Variants in SAXO1 observed in about 807,000 individuals in gnomAD.
SAXO1 encodes the protein 4930500O09Rik.
A neutral mutation model predicts 17.5 loss-of-function variants in SAXO1; 21 were observed. That is an observed-to-expected ratio of 1.20 (90% CI 0.85 to 1.72). SAXO1 has a LOEUF of 1.72. Ranked by LOEUF, SAXO1 falls within the 40% of genes most tolerant of loss-of-function variation. The pLI, the probability that SAXO1 is intolerant of heterozygous loss-of-function variation, is 0.00. For synonymous variants in SAXO1, 274 were observed against 216.5 expected (o/e 1.27, Z -2.33); for missense variants, 843 against 596.0 (o/e 1.41, Z -4.32).
chr9:18,998,084 C>G (rs1292014058), intron 1 of SAXO1, among the ~76,000 whole-genome samples: 1 of 152,112 alleles, frequency 6.6e-6, no homozygotes, highest in Non-Finnish European at 1.5e-5. Flanking sequence ...CAACTCCTCA[C>G]CAGGGAACAA....
intron 3 of SAXO1, among the ~76,000 whole-genome samples, chr9:18,929,788 G>C (rs1830957802): frequency 1.3e-5 from 2 of 152,186 alleles, no homozygotes; most frequent in African/African-American, 4.8e-5. Flanking sequence ...GAGGGAATTT[G>C]TCCCAGCTCA....
chr9:19,003,258 G>A (rs1272904477), intron 1 of SAXO1, among the ~76,000 whole-genome samples: 6 of 152,130 alleles, frequency 3.9e-5, no homozygotes, highest in South Asian at 2.1e-4. Context: ...ACAAACAAAC[G>A]GAAGAATATT....
chr9:18,954,402 T>A (rs904644245), intron 1 of SAXO1, among the ~76,000 whole-genome samples: 1 of 151,904 alleles, frequency 6.6e-6, no homozygotes, highest in Non-Finnish European at 1.5e-5. Flanking sequence ...AGTGGTGCCA[T>A]CACAGCTCAC....
intron 1 of SAXO1, among the ~76,000 whole-genome samples, chr9:18,974,323 G>A (rs1434686694): frequency 2.0e-5 from 3 of 152,306 alleles, no homozygotes; most frequent in Admixed American, 6.5e-5. Context: ...GCAGAGATAC[G>A]GAAACAGTTA....
intron 3 of SAXO1, among the ~76,000 whole-genome samples, chr9:18,931,848 AT>A (rs1381090284): frequency 6.6e-6 from 1 of 152,206 alleles, no homozygotes; most frequent in African/African-American, 2.4e-5. Flanking sequence ...TGTTTTGCCC[AT>A]TTTAAAATTA....
chr9:19,027,697 G>GATGTGGGAGGATTGCTT, intron 1 of SAXO1: 1 of 1,342,678 alleles, frequency 7.4e-7, no homozygotes, highest in Non-Finnish European at 1.1e-6. Flanking sequence ...CTGATGAGCT[G>GATGTGGGAGGATTGCTT]GATGCCATAG....
At position 18,981,819 on chromosome 9, in the gene SAXO1, C is replaced by T. The variant is rs777187600; in HGVS notation, c.39-30882G>A. ...CTAAACAGAGGGGCTCAGCAACTTG[C>T]CCAAGGGCCCACCGTAAGTGCCAGA... On this transcript the variant is annotated intron_variant, in intron 1 of 3. Transcript: ENST00000380534. Among the ~76,000 whole-genome samples the T allele has an allele frequency of 1.1e-3, 164 of 152,278 alleles. 1 individual carries two copies. The highest frequency in any genetic ancestry group is 4.0e-4 in the Non-Finnish European group (27 of 68,008).
At chr9:19,025,477 T>G (rs1835436073) in intron 1 of SAXO1, among the ~76,000 whole-genome samples, 1 of 152,130 alleles carries the variant, frequency 6.6e-6, no homozygotes, top group African/African-American at 2.4e-5. Flanking sequence ...AAATAACAAG[T>G]TCCTCCCTGG....
intron 1 of SAXO1, among the ~76,000 whole-genome samples, chr9:19,001,627 T>A (rs144930021): frequency 2.6e-5 from 4 of 151,020 alleles, no homozygotes; most frequent in African/African-American, 7.3e-5. Context: ...AGATCGCGCA[T>A]TGCACTCTAG....
At chr9:18,935,645 C>T (rs928253496) in intron 3 of SAXO1, among the ~76,000 whole-genome samples, 2 of 152,194 alleles carry the variant, frequency 1.3e-5, no homozygotes, top group Admixed American at 1.3e-4. Context: ...TACATATGAG[C>T]TTATCAAGAC....
intron 1 of SAXO1, among the ~76,000 whole-genome samples, chr9:18,957,711 G>A (rs752002343): frequency 4.4e-4 from 67 of 152,174 alleles, no homozygotes; most frequent in Non-Finnish European, 8.4e-4. Context: ...CTGGAATAGC[G>A]AAAACTCTGG....
intron 1 of SAXO1, among the ~76,000 whole-genome samples, chr9:18,977,245 C>T (rs1833187956): frequency 6.6e-6 from 1 of 152,206 alleles, no homozygotes. Flanking sequence ...AACTGTGGTT[C>T]ATAGTTTCTT....
chr9:19,035,226 G>A (rs151120772), upstream of SAXO1, among the ~76,000 whole-genome samples: 652 of 152,262 alleles, frequency 4.3e-3, 3 homozygotes, highest in African/African-American at 0.015. Context: ...ACATGTTGTG[G>A]GAGGGACCCA....
At chr9:18,967,680 C>G (rs1400692630) in intron 1 of SAXO1, among the ~76,000 whole-genome samples, 1 of 152,190 alleles carries the variant, frequency 6.6e-6, no homozygotes, top group African/African-American at 2.4e-5. Context: ...GCTTGTTGGG[C>G]TCCATTGGGG....
intron 1 of SAXO1, among the ~76,000 whole-genome samples, chr9:19,001,060 G>C (rs112067398): frequency 0.018 from 2,778 of 152,238 alleles, 84 homozygotes; most frequent in African/African-American, 0.061. Flanking sequence ...GGATATCTGG[G>C]ACTTGAACTC....
At chr9:19,024,876 G>A (rs1020690424) in intron 1 of SAXO1, among the ~76,000 whole-genome samples, 1 of 152,072 alleles carries the variant, frequency 6.6e-6, no homozygotes, top group African/African-American at 2.4e-5. Flanking sequence ...AATATCAATG[G>A]AGGGAATGAC....
chr9:19,036,109 G>A (rs1835929044), upstream of SAXO1, among the ~76,000 whole-genome samples: 1 of 135,612 alleles, frequency 7.4e-6, no homozygotes, highest in Non-Finnish European at 1.6e-5. Flanking sequence ...CTGGCGGGGG[G>A]TAGGGGGCTG....
intron 1 of SAXO1, among the ~76,000 whole-genome samples, chr9:18,997,471 G>C (rs534184864): frequency 6.6e-6 from 1 of 152,232 alleles, no homozygotes; most frequent in Non-Finnish European, 1.5e-5. Flanking sequence ...AGCTCAAACT[G>C]GGCAGAGCCC....
chr9:18,988,186 T>C (rs1833671154), intron 1 of SAXO1, among the ~76,000 whole-genome samples: 2 of 152,238 alleles, frequency 1.3e-5, no homozygotes, highest in African/African-American at 2.4e-5. Context: ...AGCCACAAAG[T>C]GGCTCTGAAA....
Sources: gnomAD v4.1 joint callset for allele counts (sites outside exome capture counted in the v4.1 genomes callset) on GRCh38, gnomAD v4.1.1 for gene constraint, MANE v1.5 for transcripts, NCBI Gene and HGNC (gene_info 2026-07-23, HGNC 2026-07-21) for gene names.